ZNF668: variants seen among roughly 807,000 people sequenced by gnomAD.
ZNF668 encodes the protein zinc finger protein 668.
ZNF668 carries 10 observed loss-of-function variants against 40.3 expected under a neutral mutation model. That is an observed-to-expected ratio of 0.25 (90% CI 0.15 to 0.42). The LOEUF is 0.42. ZNF668 is among the 10% of genes least tolerant of loss of function. The pLI, the probability that ZNF668 is intolerant of heterozygous loss-of-function variation, is 1.00. For synonymous variants in ZNF668, 428 were observed against 384.6 expected (o/e 1.11, Z -1.32); for missense variants, 749 against 904.6 (o/e 0.83, Z 2.21).
intron 1 of ZNF668, among the ~76,000 whole-genome samples, chr16:31,068,239 A>ATAT (rs1555498570): frequency 2.4e-5 from 2 of 83,012 alleles, no homozygotes; most frequent in African/African-American, 5.0e-5. Context: ...AAAAAAAAAA[A>ATAT]ATATATATAT....
intron 1 of ZNF668, among the ~76,000 whole-genome samples, chr16:31,067,142 C>T (rs2056986035): frequency 6.6e-6 from 1 of 152,032 alleles, no homozygotes; most frequent in South Asian, 2.1e-4. Context: ...ATGCTTGAGC[C>T]TAAGGAGACT....
chr16:31,063,785 G>A (rs763894851), intron 2 of ZNF668, 28 bp downstream of exon 2: 15 of 1,517,114 alleles, frequency 9.9e-6, no homozygotes, highest in Non-Finnish European at 3.5e-6. Flanking sequence ...TGCCCCGGAA[G>A]GCGCCCTGCC....
At position 31,066,261 on chromosome 16, in the gene ZNF668, T is replaced by C. The variant is rs1008853363; in HGVS notation, c.-22-1780A>G. ...TGCAAATCCCCAGGTCCTTCCTGCT[T>C]GTTCCAAATCTGACAAGTCCTTCAC... On this transcript the variant is annotated intron_variant, in intron 1 of 2. Transcript: ENST00000300849. 10 of 985,344 alleles carry C rather than the reference T, an allele frequency of 1.0e-5. No individual in the cohort carries two copies. The African/African-American group carries it at 1.7e-4, about 17-fold the overall frequency. The allele number at this position is 985,344 out of a possible 1,614,324, so 61.0% of individuals were successfully genotyped here.
intron 1 of ZNF668, chr16:31,066,355 ACTC>A (rs1237866603): frequency 3.2e-5 from 32 of 985,160 alleles, no homozygotes; most frequent in Non-Finnish European, 3.9e-5. Flanking sequence ...ATCCCACAAA[ACTC>A]CATCTTATTC....
chr16:31,072,459 GA>G (rs2057021809), intron 1 of ZNF668, among the ~76,000 whole-genome samples: 1 of 152,242 alleles, frequency 6.6e-6, no homozygotes. Flanking sequence ...TCGTGGCGAT[GA>G]AGCCTTGCTT....
chr16:31,064,115 G>C lies in ZNF668; in HGVS notation c.345C>G (p.Pro115=). Residue 115 remains proline, a synonymous_variant, in exon 2 of 3, where the codon CCC becomes CCG. Coordinates refer to ENST00000300849, the MANE Select transcript of ZNF668 (RefSeq NM_024706.5). ...SHTGEKPFPC[P]ECGRRFMQPV... is the part of the protein sequence containing the mutation. ...GCTGCATGAAGCGGCGGCCGCACTCGGGGCACGGAAAGGGCTTCTCCCCCG... is the reference window on the plus strand; with the variant it reads ...GCTGCATGAAGCGGCGGCCGCACTCCGGGCACGGAAAGGGCTTCTCCCCCG... The C allele has an allele frequency of 1.2e-6, 2 of 1,605,606 alleles. No individual in the cohort carries two copies. The highest frequency in any genetic ancestry group is 1.7e-6 in the Non-Finnish European group (2 of 1,177,636).
chr16:31,068,537 T>TA (rs2056995320), intron 1 of ZNF668, among the ~76,000 whole-genome samples: 1 of 134,236 alleles, frequency 7.4e-6, no homozygotes, highest in Non-Finnish European at 1.6e-5. Flanking sequence ...TTTTTTTTTT[T>TA]ATTAAAGAGC....
rs756495400 is a variant in ZNF668, at chr16:31,064,141, TGTGGCTGCGCCC to T, written c.307_318del (p.Gly103_His106del). 14 of 1,607,774 alleles carry T rather than the reference TGTGGCTGCGCCC, an allele frequency of 8.7e-6. No individual in the cohort carries two copies. The highest frequency in any genetic ancestry group is 3.3e-5 in the Admixed American group (2 of 59,920). ...GGGCACGGAAAGGGCTTCTCCCCCG[TGTGGCTGCGCCC>T]GTGGCTGCGCAGCTCGGGTGCCGTC... On this transcript the variant is annotated inframe_deletion, in exon 2 of 3. Coordinates refer to ENST00000300849, the MANE Select transcript of ZNF668 (RefSeq NM_024706.5).
intron 1 of ZNF668, among the ~76,000 whole-genome samples, chr16:31,068,239 A>AAAAAATATATATATAT (rs1473353128): frequency 3.6e-5 from 3 of 82,994 alleles, no homozygotes; most frequent in African/African-American, 1.5e-4. Context: ...AAAAAAAAAA[A>AAAAAATATATATATAT]ATATATATAT....
Position 31,064,416 on chromosome 16 carries a change from T to A in ZNF668, c.44A>T (p.Tyr15Phe), listed in dbSNP as rs2056965603. The change falls in exon 2 of 3, where the codon TAC (tyrosine) becomes TTC (phenylalanine). Residue 15 changes from tyrosine (Y) to phenylalanine (F), a missense_variant. Tyr to Phe is a conservative substitution (Grantham distance 22, BLOSUM62 3). This residue lies in a region of ZNF668 where 159 missense variants were observed against 139.8 expected (regional missense o/e 1.14). Transcript: ENST00000300849. Reference protein sequence around the residue: ...AAEARSPAPGYKRSGRRYKCL... With the variant: ...AAEARSPAPGFKRSGRRYKCL... Reference sequence around the variant, plus strand: ...CTTGTAGCGGCGGCCCGAGCGCTTGTAGCCGGGGGCTGGGGACCGGGCCTC... The same window carrying A: ...CTTGTAGCGGCGGCCCGAGCGCTTGAAGCCGGGGGCTGGGGACCGGGCCTC... 1 of 1,613,060 alleles carries A rather than the reference T, an allele frequency of 6.2e-7. No homozygotes were observed.
chr16:31,068,220 T>TAAAAAA (rs767511878), intron 1 of ZNF668, among the ~76,000 whole-genome samples: 152 of 9,370 alleles, frequency 0.016, 30 homozygotes, highest in Non-Finnish European at 0.025. Context: ...ATCCCACCAT[T>TAAAAAA]AAAAAAAAAA....
At chr16:31,068,649 C>T (rs188014993) in intron 1 of ZNF668, among the ~76,000 whole-genome samples, 8 of 152,024 alleles carry the variant, frequency 5.3e-5, no homozygotes, top group African/African-American at 1.9e-4. Flanking sequence ...CTCTGTCGCT[C>T]AGGCTGGAGT....
rs373899676 is a variant in ZNF668 at position 31,063,909 on chromosome 16, C to T, written c.551G>A (p.Arg184His). Reference protein sequence around the residue: ...GKSFADPSVFRKHRRTHAGLR... With the variant: ...GKSFADPSVFHKHRRTHAGLR... ...GCCAGCGTGAGTACGCCGGTGCTTGCGGAACACTGAAGGGTCAGCAAAGCT... is the reference window on the plus strand; with the variant it reads ...GCCAGCGTGAGTACGCCGGTGCTTGTGGAACACTGAAGGGTCAGCAAAGCT... Residue 184 changes from arginine to histidine, a missense_variant, in exon 2 of 3, where the codon CGC (arginine) becomes CAC (histidine). Coordinates refer to ENST00000300849, the MANE Select transcript of ZNF668 (RefSeq NM_024706.5). 3.1e-6 allele frequency: 5 copies of T among 1,594,588 alleles called. No individual in the cohort carries two copies. In the African/African-American group the frequency reaches 5.4e-5, roughly 17 times the overall value.
chr16:31,068,220 T>TTAAAAAAAAAA (rs1555498568), intron 1 of ZNF668, among the ~76,000 whole-genome samples: 1 of 9,380 alleles, frequency 1.1e-4, no homozygotes, highest in African/African-American at 2.9e-4. Flanking sequence ...ATCCCACCAT[T>TTAAAAAAAAAA]AAAAAAAAAA....
chr16:31,072,554 T>C (rs1039776262), intron 1 of ZNF668, among the ~76,000 whole-genome samples: 3 of 152,200 alleles, frequency 2.0e-5, no homozygotes, highest in African/African-American at 4.8e-5. Flanking sequence ...AATCCTAGGC[T>C]AGGACCCTGG....
chr16:31,067,362 C>G (rs2056986906), intron 1 of ZNF668, among the ~76,000 whole-genome samples: 1 of 152,156 alleles, frequency 6.6e-6, no homozygotes, highest in Non-Finnish European at 1.5e-5. Flanking sequence ...TTCTATTATT[C>G]CATTTTCACA....
rs374728857 is a variant in ZNF668, at chr16:31,073,912, A to T, written c.-276T>A. 1 of 152,260 alleles carries T rather than the reference A, an allele frequency of 6.6e-6. No homozygotes were observed. The highest frequency in any genetic ancestry group is 2.1e-4 in the South Asian group (1 of 4,830). The allele number at this position is 152,260 out of a possible 1,614,324, so 9.4% of individuals were successfully genotyped here. A position where few individuals can be genotyped will look rare whatever the true frequency, so the allele number is the denominator to read the frequency against. ...GTGTGTGCTGAGGCAAGGGGACGCC[A>T]GGCAGGCTGACGGTATACGCCCGCC... On this transcript the variant is annotated 5_prime_UTR_variant, in exon 1 of 3. Transcript: ENST00000300849.
At chr16:31,062,821 G>A (rs1409378477) in intron 2 of ZNF668, 1 of 146,522 alleles carries the variant, frequency 6.8e-6, no homozygotes, top group Admixed American at 6.8e-5. Flanking sequence ...ATGGCCAGGC[G>A]CGGTGGCTCA....
At position 31,062,042 on chromosome 16, in the gene ZNF668, G is replaced by C. The variant is rs2056932591; in HGVS notation, c.886C>G (p.Arg296Gly). 1 of 1,613,434 alleles carries C rather than the reference G, an allele frequency of 6.2e-7. No individual in the cohort carries two copies. The highest frequency in any genetic ancestry group is 1.7e-5 in the Admixed American group (1 of 59,972). ...CCTTCATGGGCGCGCTGGTGGCGAC[G>C]GAAGCTCGAGGGGTCGGAGAACATG... The part of the protein sequence containing the change: ...GRMFSDPSSF[R>G]RHQRAHEGVK... The change falls in exon 3 of 3, where the codon CGT (arginine) becomes GGT (glycine). Residue 296 changes from arginine to glycine, a missense_variant. By Grantham distance (125) the Arg-to-Gly change is moderately radical. Transcript: ENST00000300849.
Sources: gnomAD v4.1 joint callset for allele counts (sites outside exome capture counted in the v4.1 genomes callset) on GRCh38, gnomAD v4.1.1 for gene constraint, gnomAD v4.1.1 regional missense constraint, MANE v1.5 for transcripts, NCBI Gene and HGNC (gene_info 2026-07-23, HGNC 2026-07-21) for gene names.